ZFP91: variants seen among roughly 807,000 people sequenced by gnomAD.
ZFP91 encodes the protein E3 ubiquitin-protein ligase ZFP91.
In ZFP91, 7 loss-of-function variants were observed where a neutral mutation model predicts 63.5. That is an observed-to-expected ratio of 0.11 (90% CI 0.06 to 0.21). The LOEUF is 0.21. Among genes scored for constraint, ZFP91 ranks in the 10% least tolerant of loss-of-function variants. The pLI is 1.00. For missense variants in ZFP91, 628 were observed against 736.6 expected (o/e 0.85, Z 1.71); for synonymous variants, 330 against 272.1 (o/e 1.21, Z -2.10).
At chr11:58,585,796 G>A (rs543218475) in intron 2 of ZFP91, among the ~76,000 whole-genome samples, 27 of 152,278 alleles carry the variant, frequency 1.8e-4, no homozygotes, top group Non-Finnish European at 1.8e-4. Context: ...CTTCGAGAAC[G>A]TATAAGGCAA....
At chr11:58,612,045 TA>T (rs1855673764) in intron 6 of ZFP91, 1 of 551,622 alleles carries the variant, frequency 1.8e-6, no homozygotes, top group Admixed American at 3.5e-5. Context: ...TAGTATTGCA[TA>T]GTTTATGGAA....
chr11:58,582,863 A>AG (rs1307342331), intron 1 of ZFP91, among the ~76,000 whole-genome samples: 1 of 152,162 alleles, frequency 6.6e-6, no homozygotes, highest in African/African-American at 2.4e-5. Context: ...GGGGAAATAA[A>AG]AATTTTTCAT....
chr11:58,605,793 T>C (rs1204095829), intron 2 of ZFP91, among the ~76,000 whole-genome samples: 1 of 152,202 alleles, frequency 6.6e-6, no homozygotes, highest in Non-Finnish European at 1.5e-5. Flanking sequence ...TTGTACAGAC[T>C]ATATTCCCCA....
intron 2 of ZFP91, among the ~76,000 whole-genome samples, chr11:58,593,257 G>C (rs966027446): frequency 6.6e-6 from 1 of 152,152 alleles, no homozygotes; most frequent in East Asian, 1.9e-4. Flanking sequence ...AAGTTTATCT[G>C]TCTGTCCCCA....
rs545904286 is a variant in ZFP91 at position 58,618,025 on chromosome 11, C to T, written c.*319C>T. 7.2e-5 allele frequency: 17 copies of T among 236,674 alleles called. No homozygotes were observed. The East Asian group carries it at 1.4e-3, about 19-fold the overall frequency. 14.7% of individuals were successfully genotyped at this position (236,674 alleles called of 1,614,324 possible). A position where few individuals can be genotyped will look rare whatever the true frequency, so the allele number is the denominator to read the frequency against. On this transcript the variant is annotated 3_prime_UTR_variant, in exon 11 of 11. Transcript: ENST00000316059. ...AGACTTCCTGCTCATCGGCAGATCCCCCTTTCCAACCTGTAACTCTGATGT... is the reference window on the plus strand; with the variant it reads ...AGACTTCCTGCTCATCGGCAGATCCTCCTTTCCAACCTGTAACTCTGATGT...
chr11:58,579,093 G>A lies in ZFP91; in HGVS notation c.-189G>A. 1 of 424,776 alleles carries A rather than the reference G, an allele frequency of 2.4e-6. No homozygotes were observed. 26.3% of individuals were successfully genotyped at this position (424,776 alleles called of 1,614,324 possible). A position where few individuals can be genotyped will look rare whatever the true frequency, so the allele number is the denominator to read the frequency against. ...GCGCGCGCGCGCGCCGCCAGCGGTAGCGGACCTTGAGTGGCAGGGGGTGGG... is the reference window on the plus strand; with the variant it reads ...GCGCGCGCGCGCGCCGCCAGCGGTAACGGACCTTGAGTGGCAGGGGGTGGG... On this transcript the variant is annotated 5_prime_UTR_variant, in exon 1 of 11. Coordinates refer to ENST00000316059, the MANE Select transcript of ZFP91 (RefSeq NM_053023.5).
intron 8 of ZFP91, among the ~76,000 whole-genome samples, chr11:58,613,781 C>T (rs2134422708): frequency 6.6e-6 from 1 of 152,218 alleles, no homozygotes; most frequent in East Asian, 1.9e-4. Flanking sequence ...AAGTGAAATA[C>T]TGCTTAGGAA....
At position 58,610,963 on chromosome 11, in the gene ZFP91, G is replaced by A; in HGVS notation, c.631G>A (p.Glu211Lys). The A allele has an allele frequency of 1.2e-6, 2 of 1,611,762 alleles. 1 individual carries two copies. The highest frequency in any genetic ancestry group is 2.2e-5 in the South Asian group (2 of 90,976). The part of the protein sequence containing the change: ...SPGGISSEEE[E>K]EEEEEMLISE... ...ACTTATTTTTAGTAGTGAAGAGGAA[G>A]AGGAGGAGGAAGAAGAGATGTTAAT... The change falls in exon 5 of 11, where the codon GAG (glutamate) becomes AAG (lysine). Residue 211 changes from glutamate to lysine, a missense_variant. By Grantham distance (56) the Glu-to-Lys change is moderately conservative. Coordinates refer to ENST00000316059, the MANE Select transcript of ZFP91 (RefSeq NM_053023.5).
chr11:58,583,921 A>G (rs1167668612), intron 1 of ZFP91, among the ~76,000 whole-genome samples: 1 of 152,064 alleles, frequency 6.6e-6, no homozygotes, highest in Non-Finnish European at 1.5e-5. Flanking sequence ...TGGGAGGAGC[A>G]ACAACAAAAA....
At chr11:58,601,848 A>G (rs142125414) in intron 2 of ZFP91, among the ~76,000 whole-genome samples, 72 of 152,222 alleles carry the variant, frequency 4.7e-4, no homozygotes, top group African/African-American at 1.5e-3. Flanking sequence ...GTTTCATTCA[A>G]TTGTGGTCAG....
intron 1 of ZFP91, among the ~76,000 whole-genome samples, chr11:58,580,478 A>G (rs891888475): frequency 1.2e-4 from 18 of 150,346 alleles, no homozygotes; most frequent in Admixed American, 1.1e-3. Context: ...CACATTGACT[A>G]TTCAATTCAT....
Position 58,619,773 on chromosome 11 carries a change from T to A in ZFP91, c.*2067T>A, listed in dbSNP as rs1238099801. 6.6e-6 allele frequency: 1 copy of A among 152,628 alleles called. No individual in the cohort carries two copies. The highest frequency in any genetic ancestry group is 1.5e-5 in the Non-Finnish European group (1 of 68,024). The allele number at this position is 152,628 out of a possible 1,614,324, so 9.5% of individuals were successfully genotyped here. ...AGAAGGGATGTAGAATATGCTTTCC[T>A]GCCAACATGGTTTGGAGTCGACTTT... On this transcript the variant is annotated 3_prime_UTR_variant, in exon 11 of 11. Coordinates refer to ENST00000316059, the MANE Select transcript of ZFP91 (RefSeq NM_053023.5).
At chr11:58,581,592 C>A (rs1855117190) in intron 1 of ZFP91, among the ~76,000 whole-genome samples, 1 of 152,206 alleles carries the variant, frequency 6.6e-6, no homozygotes, top group Non-Finnish European at 1.5e-5. Context: ...AACTCTTGAC[C>A]TCAGGTGATC....
At chr11:58,583,899 T>C (rs1855160516) in intron 1 of ZFP91, among the ~76,000 whole-genome samples, 1 of 152,058 alleles carries the variant, frequency 6.6e-6, no homozygotes, top group Non-Finnish European at 1.5e-5. Flanking sequence ...TTTACTATAT[T>C]AGGTTTACTT....
At chr11:58,590,269 T>A (rs187756066) in intron 2 of ZFP91, among the ~76,000 whole-genome samples, 57 of 152,296 alleles carry the variant, frequency 3.7e-4, no homozygotes, top group African/African-American at 1.4e-3. Context: ...AAAGAAGAAA[T>A]TCCTCTGAAT....
rs1031265013 is a variant in ZFP91 at position 58,618,786 on chromosome 11, G to T, written c.*1080G>T. 2.3e-6 allele frequency: 1 copy of T among 434,112 alleles called. No individual in the cohort carries two copies. Among genetic ancestry groups the T allele is most frequent in the Non-Finnish European group, 4.6e-6 (1 of 219,736 alleles). The allele number at this position is 434,112 out of a possible 1,614,324, so 26.9% of individuals were successfully genotyped here. ...CTAACAAAATCACTACAATAGCCTA[G>T]TGCTTTTTTGGAAGCCTTTTTAGGG... On this transcript the variant is annotated 3_prime_UTR_variant, in exon 11 of 11. Transcript: ENST00000316059.
intron 1 of ZFP91, 67 bp from the exon 2 acceptor site, chr11:58,584,789 A>C: frequency 3.6e-6 from 5 of 1,387,150 alleles, no homozygotes; most frequent in Non-Finnish European, 4.9e-6. Context: ...TGAACCTGAA[A>C]GAGATATTTA....
In ZFP91 at chr11:58,619,069, A is replaced by G. The variant is rs1855802898; in HGVS notation, c.*1363A>G. On this transcript the variant is annotated 3_prime_UTR_variant, in exon 11 of 11. Transcript: ENST00000316059. ...CATTCCAGCTCCCTGTTAGTGAAGG[A>G]CACTGCTGTTAGTGAAGGAACAAAG... 2 of 165,102 alleles carry G rather than the reference A, an allele frequency of 1.2e-5. No individual in the cohort carries two copies. The highest frequency in any genetic ancestry group is 2.6e-5 in the Non-Finnish European group (2 of 76,638). 10.2% of individuals were successfully genotyped at this position (165,102 alleles called of 1,614,324 possible). A position where few individuals can be genotyped will look rare whatever the true frequency, so the allele number is the denominator to read the frequency against.
intron 1 of ZFP91, among the ~76,000 whole-genome samples, chr11:58,579,904 C>G (rs570542431): frequency 1.5e-4 from 23 of 152,252 alleles, no homozygotes; most frequent in Non-Finnish European, 2.5e-4. Flanking sequence ...CTCCCTGACA[C>G]CCGCAGGCTC....
Sources: gnomAD v4.1 joint callset for allele counts (sites outside exome capture counted in the v4.1 genomes callset) on GRCh38, gnomAD v4.1.1 for gene constraint, MANE v1.5 for transcripts, NCBI Gene and HGNC (gene_info 2026-07-23, HGNC 2026-07-21) for gene names.